The following SEM1 variants were observed in gnomAD, a reference collection of about 807,000 sequenced individuals.
SEM1 encodes 26S proteasome complex subunit SEM1.
SEM1 carries 3 observed loss-of-function variants against 12.7 expected under a neutral mutation model. That is an observed-to-expected ratio of 0.24 (90% CI 0.11 to 0.61). SEM1 has a LOEUF of 0.61. Ranked by LOEUF, SEM1 falls within the 20% of genes least tolerant of loss-of-function variation. SEM1 has a pLI of 0.88. For missense variants in SEM1, 59 were observed against 81.3 expected (o/e 0.73, Z 1.06); for synonymous variants, 30 against 27.8 (o/e 1.08, Z -0.25).
intron 2 of SEM1, among the ~76,000 whole-genome samples, chr7:96,576,569 A>C (rs1806209601): frequency 6.6e-6 from 1 of 152,104 alleles, no homozygotes; most frequent in Non-Finnish European, 1.5e-5. Flanking sequence ...TTATAATTTC[A>C]CATATGTTTA....
intron 2 of SEM1, among the ~76,000 whole-genome samples, chr7:96,690,447 A>G (rs1463793969): frequency 6.6e-6 from 1 of 152,160 alleles, no homozygotes; most frequent in East Asian, 1.9e-4. Flanking sequence ...AAAGATGAAA[A>G]ATTCTTTGCT....
At chr7:96,686,705 T>C (rs1789768930), downstream of SEM1, among the ~76,000 whole-genome samples, 1 of 152,150 alleles carries the variant, frequency 6.6e-6, no homozygotes, top group Non-Finnish European at 1.5e-5. Context: ...ACCTAGGCAT[T>C]AACATTCAGG....
In SEM1 at chr7:96,484,928, G is replaced by A. The variant is rs376209879; in HGVS notation, c.228-74C>T. On this transcript the variant is annotated intron_variant, in intron 2 of 3. Coordinates refer to the SEM1 transcript ENST00000356686. Reference sequence around the variant, plus strand: ...AAATTGTCTTACCCTGGTGGAAATGGGAACACCATATCCTACAGTCAGCTG... The same window carrying A: ...AAATTGTCTTACCCTGGTGGAAATGAGAACACCATATCCTACAGTCAGCTG... 234 of 895,984 alleles carry A rather than the reference G, an allele frequency of 2.6e-4. 2 individuals carry two copies. Among genetic ancestry groups the A allele is most frequent in the South Asian group, 1.5e-3 (106 of 71,468 alleles). 55.5% of individuals were successfully genotyped at this position (895,984 alleles called of 1,614,324 possible).
chr7:96,697,910 C>T (rs1314573508), intron 1 of SEM1, among the ~76,000 whole-genome samples: 1 of 152,074 alleles, frequency 6.6e-6, no homozygotes. Context: ...ATAATGCAAA[C>T]ACCCGTATAC....
chr7:96,664,175 T>C (rs1382163084), intron 2 of SEM1: 2 of 152,226 alleles, frequency 1.3e-5, no homozygotes, highest in African/African-American at 4.8e-5. Context: ...ACCTGCTGGC[T>C]TGAAACAACA....
At chr7:96,568,795 C>A (rs963010383) in intron 2 of SEM1, among the ~76,000 whole-genome samples, 2 of 151,668 alleles carry the variant, frequency 1.3e-5, no homozygotes, top group African/African-American at 4.8e-5. Context: ...ATAAATAAAA[C>A]AAAACTTGTG....
chr7:96,614,355 G>A (rs936787961), intron 2 of SEM1, among the ~76,000 whole-genome samples: 3 of 151,984 alleles, frequency 2.0e-5, no homozygotes, highest in Non-Finnish European at 2.9e-5. Context: ...TTGTGGTTTT[G>A]GTCTTTGGTC....
At chr7:96,618,980 A>G (rs1479032952), downstream of SEM1, among the ~76,000 whole-genome samples, 1 of 152,018 alleles carries the variant, frequency 6.6e-6, no homozygotes, top group Non-Finnish European at 1.5e-5. Flanking sequence ...CTTCTTGTAA[A>G]TTTTTCATTC....
chr7:96,654,825 T>C (rs906587579), intron 2 of SEM1, among the ~76,000 whole-genome samples: 1 of 152,228 alleles, frequency 6.6e-6, no homozygotes, highest in African/African-American at 2.4e-5. Flanking sequence ...TCAAGGCTCA[T>C]GACTGGGAGT....
intron 2 of SEM1, among the ~76,000 whole-genome samples, chr7:96,683,714 G>GT (rs1382553938): frequency 6.6e-6 from 1 of 152,180 alleles, no homozygotes; most frequent in East Asian, 1.9e-4. Flanking sequence ...AAAAGGATGA[G>GT]TTTATGTCCT....
intron 2 of SEM1, among the ~76,000 whole-genome samples, chr7:96,591,317 G>C (rs1445447008): frequency 2.0e-5 from 3 of 152,108 alleles, no homozygotes; most frequent in African/African-American, 4.8e-5. Context: ...AAGACTTTCG[G>C]TTAACTTCTG....
chr7:96,654,996 C>T (rs1443966346), intron 2 of SEM1, among the ~76,000 whole-genome samples: 2 of 152,156 alleles, frequency 1.3e-5, no homozygotes, highest in Non-Finnish European at 2.9e-5. Context: ...AGGCTCCAGG[C>T]CAGTAGTTGA....
chr7:96,545,116 C>A lies in SEM1; in HGVS notation c.171-38418G>T, dbSNP rs1407975263. On this transcript the variant is annotated intron_variant and NMD_transcript_variant, in intron 2 of 3. Coordinates refer to the SEM1 transcript ENST00000466986. ...GGAAACCTCTGGATTTGAGGAGAAT[C>A]AGGAAGTGGATGCACCCCTTTTTAG... is the stretch of plus-strand genomic sequence containing the variant. Among the ~76,000 whole-genome samples, 6 of 151,980 alleles carry A rather than the reference C, an allele frequency of 3.9e-5. No homozygotes were observed. In the East Asian group the frequency reaches 9.7e-4, roughly 24 times the overall value.
chr7:96,693,657 C>T (rs934562875), intron 2 of SEM1, among the ~76,000 whole-genome samples: 3 of 151,748 alleles, frequency 2.0e-5, no homozygotes, highest in Non-Finnish European at 2.9e-5. Flanking sequence ...CCTGCTAGTA[C>T]GAACGCTAGT....
intron 1 of SEM1, among the ~76,000 whole-genome samples, chr7:96,699,886 C>T (rs916590338): frequency 1.3e-5 from 2 of 151,934 alleles, no homozygotes. Flanking sequence ...AATACTAAAG[C>T]ACTCTAGCTT....
At chr7:96,550,712 A>T (rs188486091) in intron 2 of SEM1, among the ~76,000 whole-genome samples, 2 of 152,302 alleles carry the variant, frequency 1.3e-5, no homozygotes, top group Admixed American at 1.3e-4. Context: ...CTTGAGTGAG[A>T]GGAAAAAGGA....
At chr7:96,675,102 A>C (rs1453999663) in intron 2 of SEM1, among the ~76,000 whole-genome samples, 1 of 150,912 alleles carries the variant, frequency 6.6e-6, no homozygotes, top group Non-Finnish European at 1.5e-5. Context: ...CCCACCCCCC[A>C]AAAATAAATA....
intron 2 of SEM1, among the ~76,000 whole-genome samples, chr7:96,535,785 T>C (rs527401808): frequency 6.6e-6 from 1 of 152,096 alleles, no homozygotes; most frequent in African/African-American, 2.4e-5. Context: ...GTAAAGGACA[T>C]GATTTTTTAC....
In SEM1 at chr7:96,539,931, T is replaced by A. The variant is rs575050834; in HGVS notation, c.171-33233A>T. Among the ~76,000 whole-genome samples the A allele has an allele frequency of 9.3e-5, 14 of 151,118 alleles. No individual in the cohort carries two copies. In the South Asian group the frequency reaches 2.9e-3, roughly 31 times the overall value. On this transcript the variant is annotated intron_variant and NMD_transcript_variant, in intron 2 of 3. Transcript: ENST00000466986. ...TATGGTTTTTGCCATATAAAAGTAA[T>A]AGCAAAACCTGCAATTACTTTTGCA...
Sources: gnomAD v4.1 joint callset for allele counts (sites outside exome capture counted in the v4.1 genomes callset) on GRCh38, gnomAD v4.1.1 for gene constraint, MANE v1.5 for transcripts, NCBI Gene and HGNC (gene_info 2026-07-23, HGNC 2026-07-21) for gene names.